The following ETFA variants were observed in gnomAD, a reference collection of about 807,000 sequenced individuals.
The protein encoded by ETFA is electron transfer flavoprotein subunit alpha.
ETFA carries 22 observed loss-of-function variants against 46.2 expected under a neutral mutation model. The ratio of observed to expected loss-of-function variants is 0.48; its 90% CI spans 0.34 to 0.68. The LOEUF (loss-of-function observed/expected upper bound fraction) is 0.68. ETFA is among the 30% of genes least tolerant of loss of function. ETFA has a pLI of 0.01. For synonymous variants in ETFA, 131 were observed against 139.9 expected (o/e 0.94, Z 0.45); for missense variants, 345 against 401.1 (o/e 0.86, Z 1.19).
Position 76,288,920 on chromosome 15 carries a change from CT to C in ETFA, c.352-976del, listed in dbSNP as rs35295593. On this transcript the variant is annotated intron_variant, in intron 4 of 11. Coordinates refer to ENST00000557943, the MANE Select transcript of ETFA (RefSeq NM_000126.4). ...TCAGTTAATTCTTCTTCTTCTTCTT[CT>C]TTTTTTTTTTTTTTGGAAACAGGGT... 6.2e-3 allele frequency among the ~76,000 whole-genome samples: 682 copies of C among 110,092 alleles called. 13 individuals are homozygous for C. Among genetic ancestry groups the C allele is most frequent in the African/African-American group, 0.022 (653 of 29,826 alleles). The allele number at this position is 110,092 out of a possible 152,430, so 72.2% of individuals were successfully genotyped here.
chr15:76,260,200 C>A, intron 9 of ETFA: 1 of 1,390,570 alleles, frequency 7.2e-7, no homozygotes, highest in Non-Finnish European at 1.0e-6. Flanking sequence ...TCCTTTAGTT[C>A]GCTGTTGATG....
At position 76,281,194 on chromosome 15, in the gene ETFA, G is replaced by A. The variant is rs187503176; in HGVS notation, c.733+2563C>T. Among the ~76,000 whole-genome samples the A allele has an allele frequency of 9.6e-4, 146 of 152,016 alleles. 1 individual carries two copies. The highest frequency in any genetic ancestry group is 3.4e-3 in the African/African-American group (143 of 41,492). Reference sequence around the variant, plus strand: ...TAATTTTTATATTTTTAGTAGAGGCGGGGTTTCACCACGTGGGCCAGACTG... The same window carrying A: ...TAATTTTTATATTTTTAGTAGAGGCAGGGTTTCACCACGTGGGCCAGACTG... On this transcript the variant is annotated intron_variant, in intron 8 of 11. Coordinates refer to ENST00000557943, the MANE Select transcript of ETFA (RefSeq NM_000126.4).
chr15:76,287,507 C>G (rs1316626303), intron 5 of ETFA, among the ~76,000 whole-genome samples: 1 of 152,104 alleles, frequency 6.6e-6, no homozygotes, highest in African/African-American at 2.4e-5. Flanking sequence ...GAAGTAGAAG[C>G]AGCAAAGATT....
chr15:76,234,574 G>A (rs187659707), intron 9 of ETFA, among the ~76,000 whole-genome samples: 11 of 152,228 alleles, frequency 7.2e-5, no homozygotes, highest in Admixed American at 3.3e-4. Context: ...GGTGGGGGAC[G>A]GTGGGGATTA....
rs547248633 is a variant in ETFA at position 76,235,689 on chromosome 15, A to T, written c.817-4291T>A. Reference sequence around the variant, plus strand: ...TACAGGTTACGGCAAGGTCACAAAAATCTGTAATCCAATAAAGGAAAATGG... The same window carrying T: ...TACAGGTTACGGCAAGGTCACAAAATTCTGTAATCCAATAAAGGAAAATGG... On this transcript the variant is annotated intron_variant, in intron 9 of 11. Coordinates refer to ENST00000557943, the MANE Select transcript of ETFA (RefSeq NM_000126.4). 2.0e-5 allele frequency among the ~76,000 whole-genome samples: 3 copies of T among 152,334 alleles called. No individual in the cohort carries two copies. The South Asian group carries it at 6.2e-4, about 32-fold the overall frequency.
At chr15:76,240,567 A>AT (rs1442283841) in intron 9 of ETFA, among the ~76,000 whole-genome samples, 1 of 152,210 alleles carries the variant, frequency 6.6e-6, no homozygotes. Flanking sequence ...AGTTAAAAGA[A>AT]TTTTTTTAAA....
At chr15:76,283,970 C>T in intron 7 of ETFA, 145 bp from the exon 8 acceptor site, 1 of 636,502 alleles carries the variant, frequency 1.6e-6, no homozygotes, top group Non-Finnish European at 2.8e-6. Context: ...CCTTTTCTGG[C>T]CTCTGACACT....
In ETFA at chr15:76,232,346, T is replaced by C. The variant is rs529763803; in HGVS notation, c.817-948A>G. Among the ~76,000 whole-genome samples the C allele has an allele frequency of 2.0e-5, 3 of 152,346 alleles. No individual in the cohort carries two copies. In the South Asian group the frequency reaches 6.2e-4, roughly 32 times the overall value. On this transcript the variant is annotated intron_variant, in intron 9 of 11. Coordinates refer to ENST00000557943, the MANE Select transcript of ETFA (RefSeq NM_000126.4). ...TTACCAGGTATGATTAAAGCTTCAC[T>C]TGAAAACCTTTTCCCACAGAAAAAC...
intron 9 of ETFA, among the ~76,000 whole-genome samples, chr15:76,232,212 A>G (rs554707195): frequency 2.0e-5 from 3 of 152,342 alleles, no homozygotes; most frequent in African/African-American, 7.2e-5. Flanking sequence ...CTCCTTATCT[A>G]AAATTTTTAC....
At chr15:76,267,265 A>C (rs114969382) in intron 9 of ETFA, among the ~76,000 whole-genome samples, 1,772 of 152,308 alleles carry the variant, frequency 0.012, 29 homozygotes, top group African/African-American at 0.04. Context: ...TACAACCAAA[A>C]CGCTCACTCT....
At chr15:76,261,008 C>T in intron 9 of ETFA, 5 of 1,609,882 alleles carry the variant, frequency 3.1e-6, no homozygotes, top group Middle Eastern at 1.8e-4. Flanking sequence ...AAAGCTTTGT[C>T]ACGGTGATGT....
chr15:76,251,280 C>T (rs2039295173), intron 9 of ETFA, among the ~76,000 whole-genome samples: 1 of 152,044 alleles, frequency 6.6e-6, no homozygotes, highest in South Asian at 2.1e-4. Context: ...GACATATTAG[C>T]AAAATTAAAA....
intron 9 of ETFA, among the ~76,000 whole-genome samples, chr15:76,256,023 C>T (rs977307557): frequency 6.6e-6 from 1 of 151,664 alleles, no homozygotes; most frequent in African/African-American, 2.4e-5. Context: ...TTTGGGAGGC[C>T]AAGGCAGGTG....
At position 76,304,330 on chromosome 15, in the gene ETFA, C is replaced by T. The variant is rs151159170; in HGVS notation, c.39+7020G>A. ...AGCAGGGTGAGAATCAAAAAATTACCTATTGGATGCTATGTTCATTACCTG... is the reference window on the plus strand; with the variant it reads ...AGCAGGGTGAGAATCAAAAAATTACTTATTGGATGCTATGTTCATTACCTG... On this transcript the variant is annotated intron_variant, in intron 1 of 11. Transcript: ENST00000557943. Among the ~76,000 whole-genome samples the T allele has an allele frequency of 8.1e-4, 124 of 152,160 alleles. 1 individual carries two copies. Among genetic ancestry groups the T allele is most frequent in the Middle Eastern group, 3.4e-3 (1 of 294 alleles).
At chr15:76,232,414 T>C (rs1324214690) in intron 9 of ETFA, among the ~76,000 whole-genome samples, 1 of 152,226 alleles carries the variant, frequency 6.6e-6, no homozygotes, top group East Asian at 1.9e-4. Flanking sequence ...ATAACTACCA[T>C]GTAACCAGAC....
At chr15:76,303,949 G>A (rs1344831170) in intron 1 of ETFA, among the ~76,000 whole-genome samples, 2 of 152,242 alleles carry the variant, frequency 1.3e-5, no homozygotes, top group Non-Finnish European at 2.9e-5. Flanking sequence ...TATACCCAAA[G>A]GAATATGAAC....
Position 76,248,960 on chromosome 15 carries a change from T to C in ETFA, c.817-17562A>G, listed in dbSNP as rs566057872. Among the ~76,000 whole-genome samples the C allele has an allele frequency of 4.0e-5, 6 of 151,832 alleles. No homozygotes were observed. In the South Asian group the frequency reaches 1.0e-3, roughly 26 times the overall value. On this transcript the variant is annotated intron_variant, in intron 9 of 11. Coordinates refer to ENST00000557943, the MANE Select transcript of ETFA (RefSeq NM_000126.4). ...ATGAGCAAATGGTATTAACATTAAA[T>C]ATTCAAAGGGAAAAAAACCATAAAT...
chr15:76,250,493 T>C (rs1469646551), intron 9 of ETFA, among the ~76,000 whole-genome samples: 1 of 151,902 alleles, frequency 6.6e-6, no homozygotes, highest in Non-Finnish European at 1.5e-5. Flanking sequence ...TGTAGTAAAG[T>C]AAAAATGAAA....
At chr15:76,223,216 C>CTTTTT (rs3065601) in intron 11 of ETFA, among the ~76,000 whole-genome samples, 10 of 122,012 alleles carry the variant, frequency 8.2e-5, no homozygotes, top group South Asian at 2.7e-4. Context: ...TACTTCAGAA[C>CTTTTT]TTTTTTTTTT....
Sources: allele counts gnomAD v4.1 joint callset (sites outside exome capture counted in the v4.1 genomes callset), GRCh38; gene constraint gnomAD v4.1.1; transcripts MANE v1.5; gene names NCBI Gene and HGNC (gene_info 2026-07-23, HGNC 2026-07-21).